ST7: variants seen among roughly 807,000 people sequenced by gnomAD.
The protein encoded by ST7 is suppression of tumorigenicity 7.
In ST7, 28 loss-of-function variants were observed where a neutral mutation model predicts 78.7. That is an observed-to-expected ratio of 0.36 (90% CI 0.26 to 0.49). The LOEUF is 0.49. Among genes scored for constraint, ST7 ranks in the 20% least tolerant of loss-of-function variants. The pLI, the probability that ST7 is intolerant of heterozygous loss-of-function variation, is 0.99. For missense variants in ST7, 418 were observed against 696.0 expected, an observed-to-expected ratio of 0.60 and a Z score of 4.49; for synonymous variants, 247 against 249.6, an observed-to-expected ratio of 0.99 and a Z score of 0.10.
intron 15 of ST7, among the ~76,000 whole-genome samples, chr7:117,226,622 G>A (rs1793462217): frequency 1.3e-5 from 2 of 152,160 alleles, no homozygotes; most frequent in Non-Finnish European, 2.9e-5. Flanking sequence ...AATATCTCCT[G>A]ATGGAGCTTT....
intron 1 of ST7, among the ~76,000 whole-genome samples, chr7:117,026,705 A>G (rs1047152128): frequency 1.3e-5 from 2 of 152,198 alleles, no homozygotes; most frequent in Non-Finnish European, 2.9e-5. Flanking sequence ...CTAAGCTTAC[A>G]GTGTGACTTA....
At chr7:117,005,435 A>G (rs776356204) in intron 1 of ST7, among the ~76,000 whole-genome samples, 2 of 152,150 alleles carry the variant, frequency 1.3e-5, no homozygotes, top group Non-Finnish European at 2.9e-5. Context: ...GTAAGCCACA[A>G]ATGTCCCCTG....
chr7:116,973,306 G>C (rs1350800265), intron 1 of ST7, among the ~76,000 whole-genome samples: 2 of 152,098 alleles, frequency 1.3e-5, no homozygotes, highest in African/African-American at 4.8e-5. Flanking sequence ...CACCCAGGCT[G>C]GAGTGCAGTG....
intron 1 of ST7, chr7:117,020,370 C>T: frequency 2.1e-6 from 1 of 477,108 alleles, no homozygotes. Context: ...AGCAGCTCTT[C>T]GGTTTTTGGT....
intron 9 of ST7, among the ~76,000 whole-genome samples, chr7:117,158,530 C>T (rs1035918220): frequency 2.0e-5 from 3 of 152,218 alleles, no homozygotes; most frequent in African/African-American, 4.8e-5. Flanking sequence ...TTAATGCGCT[C>T]AGTTCAGTGA....
intron 1 of ST7, among the ~76,000 whole-genome samples, chr7:117,035,157 A>G (rs1233009606): frequency 6.8e-6 from 1 of 146,754 alleles, no homozygotes; most frequent in East Asian, 2.0e-4. Flanking sequence ...TATAAAATAC[A>G]CAGGTCCCTG....
chr7:117,105,998 GTTTTTT>G lies in ST7; in HGVS notation c.234+6160_234+6165del, dbSNP rs79793311. Among the ~76,000 whole-genome samples, 156 of 146,890 alleles carry G rather than the reference GTTTTTT, an allele frequency of 1.1e-3. 1 individual carries two copies. The Middle Eastern group carries it at 0.011, about 10-fold the overall frequency. Reference sequence around the variant, plus strand: ...GTTTTTTGTTTTTGTTTTTGTTTTTGTTTTTTTTTTTGAGACGGAGTCTCGCTGTGT... The same window carrying G: ...GTTTTTTGTTTTTGTTTTTGTTTTTGTTTTTGAGACGGAGTCTCGCTGTGT... On this transcript the variant is annotated intron_variant, in intron 2 of 15. Coordinates refer to ENST00000323984, the MANE Select transcript of ST7 (RefSeq NM_001369598.1).
chr7:116,998,711 G>A (rs1284974204), intron 1 of ST7, among the ~76,000 whole-genome samples: 3 of 152,250 alleles, frequency 2.0e-5, no homozygotes, highest in Admixed American at 6.5e-5. Context: ...TGGAACTTAT[G>A]TTCTGGTGAG....
chr7:117,047,650 A>G (rs1335230411), intron 1 of ST7, among the ~76,000 whole-genome samples: 2 of 152,188 alleles, frequency 1.3e-5, no homozygotes, highest in Non-Finnish European at 2.9e-5. Flanking sequence ...AAACAGATGT[A>G]ATGTGAAATC....
intron 11 of ST7, 75 bp downstream of exon 11, chr7:117,189,468 G>A: frequency 8.0e-7 from 1 of 1,244,098 alleles, no homozygotes; most frequent in South Asian, 1.5e-5. Context: ...GGCTTTCTCT[G>A]GAAGTTTCTC....
chr7:117,081,838 A>G (rs1799800701), intron 1 of ST7, among the ~76,000 whole-genome samples: 2 of 152,210 alleles, frequency 1.3e-5, no homozygotes, highest in African/African-American at 4.8e-5. Context: ...CTAGAGAAAC[A>G]GAATCAGTAG....
At chr7:117,152,874 T>C (rs1806398816) in intron 9 of ST7, among the ~76,000 whole-genome samples, 1 of 152,194 alleles carries the variant, frequency 6.6e-6, no homozygotes, top group Non-Finnish European at 1.5e-5. Flanking sequence ...CACATGTCTG[T>C]CTCAGAGAGA....
intron 1 of ST7, among the ~76,000 whole-genome samples, chr7:117,022,750 T>A (rs987918405): frequency 1.3e-5 from 2 of 152,240 alleles, no homozygotes; most frequent in Admixed American, 1.3e-4. Context: ...TAACTTATTC[T>A]GATTTCGTGA....
intron 1 of ST7, among the ~76,000 whole-genome samples, chr7:117,028,920 G>C (rs1796335000): frequency 6.6e-6 from 1 of 152,178 alleles, no homozygotes; most frequent in South Asian, 2.1e-4. Context: ...TTAGGGGTTA[G>C]AGGCTCTGAT....
chr7:116,959,594 T>C (rs563073320), intron 1 of ST7: 4 of 181,772 alleles, frequency 2.2e-5, no homozygotes, highest in African/African-American at 9.5e-5. Flanking sequence ...CCATCTAAGT[T>C]TGCAGCTTTA....
chr7:116,960,629 C>T (rs1792778612), intron 1 of ST7, among the ~76,000 whole-genome samples: 1 of 152,068 alleles, frequency 6.6e-6, no homozygotes, highest in South Asian at 2.1e-4. Flanking sequence ...AATTTTTTTC[C>T]ACATTGGTAG....
chr7:117,161,868 G>T (rs1321633165), intron 9 of ST7, among the ~76,000 whole-genome samples: 2 of 151,976 alleles, frequency 1.3e-5, no homozygotes, highest in Admixed American at 1.3e-4. Flanking sequence ...CCAAAGTGCT[G>T]GGATTACAGG....
At chr7:117,205,442 A>C (rs916164736) in intron 12 of ST7, among the ~76,000 whole-genome samples, 1 of 152,062 alleles carries the variant, frequency 6.6e-6, no homozygotes, top group African/African-American at 2.4e-5. Context: ...GACTTATGCT[A>C]TTGTTGATAT....
At chr7:117,104,487 A>T (rs1801806954) in intron 2 of ST7, among the ~76,000 whole-genome samples, 1 of 152,202 alleles carries the variant, frequency 6.6e-6, no homozygotes, top group African/African-American at 2.4e-5. Context: ...GCTGGTGAAG[A>T]TGTGGAGAAA....
Sources: allele counts gnomAD v4.1 joint callset (sites outside exome capture counted in the v4.1 genomes callset), GRCh38; gene constraint gnomAD v4.1.1; transcripts MANE v1.5; gene names NCBI Gene and HGNC (gene_info 2026-07-23, HGNC 2026-07-21).